Variants in SNTB1 observed in about 807,000 individuals in gnomAD.
SNTB1 encodes beta-1-syntrophin.
In SNTB1, 36 loss-of-function variants were observed where a neutral mutation model predicts 48.9. The observed-to-expected ratio is 0.74, with a 90% CI of 0.56 to 0.97. The LOEUF is 0.97. Among genes scored for constraint, SNTB1 ranks in the 50% least tolerant of loss-of-function variants. SNTB1 has a pLI of 0.00. For synonymous variants in SNTB1, 299 were observed against 294.6 expected (o/e 1.01, Z -0.15); for missense variants, 786 against 703.4 (o/e 1.12, Z -1.33).
At chr8:120,632,791 G>A (rs1217083210) in intron 2 of SNTB1, 140 bp from the exon 3 acceptor site, 3 of 688,772 alleles carry the variant, frequency 4.4e-6, no homozygotes, top group African/African-American at 1.8e-5. Flanking sequence ...TAACAGTCCC[G>A]CCATCCATTC....
At chr8:120,674,492 G>A (rs1817804159) in intron 2 of SNTB1, among the ~76,000 whole-genome samples, 1 of 152,218 alleles carries the variant, frequency 6.6e-6, no homozygotes, top group Non-Finnish European at 1.5e-5. Flanking sequence ...CAGATATAAG[G>A]AGTTGAGGCA....
At chr8:120,710,090 G>A (rs568373917) in intron 1 of SNTB1, among the ~76,000 whole-genome samples, 25 of 152,184 alleles carry the variant, frequency 1.6e-4, no homozygotes, top group African/African-American at 5.5e-4. Flanking sequence ...CTCCGTTTCC[G>A]CAGACAGCCC....
At chr8:120,584,582 C>T (rs1231867045) in intron 3 of SNTB1, among the ~76,000 whole-genome samples, 1 of 151,826 alleles carries the variant, frequency 6.6e-6, no homozygotes, top group African/African-American at 2.4e-5. Flanking sequence ...AGAATTCTCT[C>T]TATCAAGGGA....
intron 2 of SNTB1, among the ~76,000 whole-genome samples, chr8:120,648,389 T>C (rs1817340766): frequency 6.6e-6 from 1 of 152,190 alleles, no homozygotes; most frequent in Admixed American, 6.5e-5. Flanking sequence ...CAGCATTTGC[T>C]TGTTTGTAAA....
chr8:120,597,035 A>G (rs1816338673), intron 3 of SNTB1, among the ~76,000 whole-genome samples: 1 of 152,200 alleles, frequency 6.6e-6, no homozygotes, highest in Non-Finnish European at 1.5e-5. Context: ...GTCTCGAGAT[A>G]GGGAGACTAG....
At chr8:120,743,682 G>A (rs1343043164) in intron 1 of SNTB1, among the ~76,000 whole-genome samples, 2 of 152,146 alleles carry the variant, frequency 1.3e-5, no homozygotes, top group Non-Finnish European at 2.9e-5. Context: ...TTAGAGGTGT[G>A]GGGTTTTTCT....
intron 2 of SNTB1, chr8:120,635,962 GC>G: frequency 1.8e-6 from 1 of 552,504 alleles, no homozygotes; most frequent in Non-Finnish European, 3.1e-6. Flanking sequence ...TTTCAGATAT[GC>G]CCTCTCCTTT....
chr8:120,805,729 T>C (rs1820324406), intron 1 of SNTB1, among the ~76,000 whole-genome samples: 2 of 152,296 alleles, frequency 1.3e-5, no homozygotes, highest in South Asian at 4.1e-4. Context: ...AGAAAACTAG[T>C]ACACCAGAAA....
At chr8:120,671,898 G>C (rs1817763857) in intron 2 of SNTB1, among the ~76,000 whole-genome samples, 1 of 152,286 alleles carries the variant, frequency 6.6e-6, no homozygotes, top group East Asian at 1.9e-4. Context: ...TGTACCTTTT[G>C]AATATTAAAC....
At chr8:120,791,927 C>G (rs1820042670) in intron 1 of SNTB1, among the ~76,000 whole-genome samples, 1 of 151,852 alleles carries the variant, frequency 6.6e-6, no homozygotes, top group Admixed American at 6.6e-5. Context: ...CCATTCGATC[C>G]AGCAATCCCA....
At chr8:120,558,649 A>T (rs897599619) in intron 4 of SNTB1, among the ~76,000 whole-genome samples, 1 of 152,220 alleles carries the variant, frequency 6.6e-6, no homozygotes, top group Admixed American at 6.5e-5. Context: ...AAATTCAGAT[A>T]CCTGGATTCA....
chr8:120,796,291 T>C (rs1024798384), intron 1 of SNTB1, among the ~76,000 whole-genome samples: 1 of 152,050 alleles, frequency 6.6e-6, no homozygotes, highest in African/African-American at 2.4e-5. Flanking sequence ...CTTTTCTTTA[T>C]AAATTACCCA....
chr8:120,641,729 T>C (rs764294685), intron 2 of SNTB1, among the ~76,000 whole-genome samples: 11 of 152,250 alleles, frequency 7.2e-5, no homozygotes, highest in Non-Finnish European at 1.6e-4. Context: ...TTCGTGTCAC[T>C]GTCACTCAGA....
At chr8:120,686,104 C>G (rs1160777569) in intron 2 of SNTB1, among the ~76,000 whole-genome samples, 1 of 152,184 alleles carries the variant, frequency 6.6e-6, no homozygotes, top group Non-Finnish European at 1.5e-5. Flanking sequence ...GAGGCTTTCT[C>G]TACAGCTCTC....
chr8:120,752,987 GAAA>G (rs60198716), intron 1 of SNTB1, among the ~76,000 whole-genome samples: 13 of 76,558 alleles, frequency 1.7e-4, no homozygotes, highest in African/African-American at 4.5e-4. Context: ...AAAGCTGGAA[GAAA>G]AAAAAAAAAA....
intron 1 of SNTB1, among the ~76,000 whole-genome samples, chr8:120,747,435 C>T (rs529453443): frequency 1.2e-3 from 186 of 152,274 alleles, no homozygotes; most frequent in African/African-American, 4.2e-3. Flanking sequence ...GGACTACAGG[C>T]GTGCACCACC....
chr8:120,647,068 T>G (rs1323360154), intron 2 of SNTB1, among the ~76,000 whole-genome samples: 4 of 142,398 alleles, frequency 2.8e-5, no homozygotes, highest in East Asian at 2.0e-4. Flanking sequence ...TCTTCTTTAT[T>G]AGTCTTGCTA....
chr8:120,646,351 T>G (rs1236440339), intron 2 of SNTB1, among the ~76,000 whole-genome samples: 1 of 142,476 alleles, frequency 7.0e-6, no homozygotes, highest in Non-Finnish European at 1.6e-5. Flanking sequence ...CAATACCTAA[T>G]TTATTGAGAG....
intron 5 of SNTB1, among the ~76,000 whole-genome samples, chr8:120,545,634 C>G (rs149985611): frequency 6.6e-6 from 1 of 152,288 alleles, no homozygotes; most frequent in Non-Finnish European, 1.5e-5. Context: ...AATCCTGTTC[C>G]TCTAAAGCAG....
Sources: gnomAD v4.1 joint callset for allele counts (sites outside exome capture counted in the v4.1 genomes callset) on GRCh38, gnomAD v4.1.1 for gene constraint, MANE v1.5 for transcripts, NCBI Gene and HGNC (gene_info 2026-07-23, HGNC 2026-07-21) for gene names.